The following ZNF829 variants were observed in gnomAD, a reference collection of about 807,000 sequenced individuals.
The protein encoded by ZNF829 is zinc finger protein 829.
Under a neutral mutation model 35.2 loss-of-function variants are expected in ZNF829, and 25 were observed. That is an observed-to-expected ratio of 0.71 (90% CI 0.52 to 0.99). The LOEUF (loss-of-function observed/expected upper bound fraction) is 0.99. Among genes scored for constraint, ZNF829 ranks in the 50% least tolerant of loss-of-function variants. ZNF829 has a pLI of 0.00. For synonymous variants in ZNF829, 136 were observed against 163.2 expected (o/e 0.83, Z 1.27); for missense variants, 417 against 515.3 (o/e 0.81, Z 1.85).
chr19:36,905,897 A>T (rs2073211564), intron 5 of ZNF829: 1 of 152,214 alleles, frequency 6.6e-6, no homozygotes, highest in African/African-American at 2.4e-5. Flanking sequence ...AGATAGACTC[A>T]CAGAAATAGG....
At chr19:36,906,731 CAACT>C (rs1044085338) in intron 5 of ZNF829, 6 of 152,130 alleles carry the variant, frequency 3.9e-5, no homozygotes, top group African/African-American at 7.2e-5. Context: ...GCAAACAAAC[CAACT>C]GTCAACAGAA....
intron 1 of ZNF829, 34 bp from the exon 2 acceptor site, chr19:36,915,285 G>A: frequency 6.3e-7 from 1 of 1,580,834 alleles, no homozygotes; most frequent in Non-Finnish European, 8.6e-7. Context: ...CAATCGCATA[G>A]TTGACAGGAC....
rs575314553 is a variant in ZNF829, at chr19:36,889,460, A to T, written c.*2032T>A. On this transcript the variant is annotated 3_prime_UTR_variant, in exon 6 of 6. Coordinates refer to ENST00000391711, the MANE Select transcript of ZNF829 (RefSeq NM_001037232.4). ...TTTGCAAGATTTTTTTCTATTACTG[A>T]TTCAATTTCAATACTCAGTAGTCTG... is the stretch of plus-strand genomic sequence containing the variant. The T allele has an allele frequency of 6.6e-6, 1 of 152,032 alleles. No homozygotes were observed. The highest frequency in any genetic ancestry group is 2.4e-5 in the African/African-American group (1 of 41,488). The allele number at this position is 152,032 out of a possible 1,614,324, so 9.4% of individuals were successfully genotyped here. A position where few individuals can be genotyped will look rare whatever the true frequency, so the allele number is the denominator to read the frequency against.
intron 1 of ZNF829, chr19:36,915,769 G>A: frequency 7.9e-7 from 1 of 1,263,530 alleles, no homozygotes; most frequent in Non-Finnish European, 1.1e-6. Context: ...GCTAATTTTT[G>A]TATTTTTAGT....
chr19:36,910,046 A>G (rs1215533984), intron 3 of ZNF829, among the ~76,000 whole-genome samples: 1 of 151,954 alleles, frequency 6.6e-6, no homozygotes, highest in African/African-American at 2.4e-5. Flanking sequence ...TAGTGGGACA[A>G]TGCCCTGCCA....
intron 5 of ZNF829, among the ~76,000 whole-genome samples, chr19:36,900,509 C>A (rs181072650): frequency 2.0e-5 from 3 of 151,718 alleles, no homozygotes; most frequent in Non-Finnish European, 4.4e-5. Context: ...AATATACATA[C>A]CTACTATGTA....
chr19:36,897,154 C>G (rs1036093432), intron 5 of ZNF829, among the ~76,000 whole-genome samples: 4 of 152,106 alleles, frequency 2.6e-5, no homozygotes, highest in Admixed American at 2.0e-4. Flanking sequence ...CAGTTTTTCT[C>G]AAACTATTCC....
At chr19:36,900,357 TAAAA>T (rs112232974) in intron 5 of ZNF829, among the ~76,000 whole-genome samples, 2,163 of 132,386 alleles carry the variant, frequency 0.016, 17 homozygotes, top group African/African-American at 0.032. Context: ...GACTCTGTCT[TAAAA>T]AAAAAAAAAA....
At chr19:36,896,557 T>C (rs2073115802) in intron 5 of ZNF829, among the ~76,000 whole-genome samples, 1 of 152,098 alleles carries the variant, frequency 6.6e-6, no homozygotes, top group Admixed American at 6.5e-5. Flanking sequence ...CTCTCAGCAT[T>C]AGACAGTTCA....
Position 36,891,568 on chromosome 19 carries a change from T to C in ZNF829, c.1223A>G (p.Tyr408Cys), listed in dbSNP as rs1256521652. 6.2e-7 allele frequency: 1 copy of C among 1,612,712 alleles called. No individual in the cohort carries two copies. The highest frequency in any genetic ancestry group is 8.5e-7 in the Non-Finnish European group (1 of 1,179,380). The change falls in exon 6 of 6, where the codon TAT becomes TGT. Residue 408 changes from tyrosine (Y) to cysteine (C), a missense_variant. Tyr to Cys is a radical substitution (Grantham distance 194, BLOSUM62 -2). Coordinates refer to ENST00000391711, the MANE Select transcript of ZNF829 (RefSeq NM_001037232.4). The stretch of plus-strand genomic sequence containing the variant: ...AGCCTTTCCACATTCCTTACAGTCA[T>C]AGGGTTTCTCACCAGTGTGAATTCT... ...HQRIHTGEKP[Y>C]DCKECGKAFG...
intron 5 of ZNF829, among the ~76,000 whole-genome samples, chr19:36,895,190 ACT>A (rs2073101436): frequency 6.6e-6 from 1 of 152,322 alleles, no homozygotes; most frequent in African/African-American, 2.4e-5. Flanking sequence ...CTAAAAAAAC[ACT>A]GTCAGCCAAG....
intron 5 of ZNF829, chr19:36,892,695 T>A (rs2073069781): frequency 3.3e-6 from 2 of 611,738 alleles, no homozygotes; most frequent in Non-Finnish European, 5.4e-6. Context: ...TCTATGATCC[T>A]CAAATTTTGG....
rs745709351 is a variant in ZNF829 at position 36,892,431 on chromosome 19, CTTTAGAGATAATATTTTG to C, written c.342_359del (p.Ile116_Lys121del). ...TTATTACTTGACTGAAATGTCTCTT[CTTTAGAGATAATATTTTG>C]GTCTCACACATTGATTCCAGATCTG... On this transcript the variant is annotated inframe_deletion, in exon 6 of 6. Transcript: ENST00000391711. 5.8e-5 allele frequency: 93 copies of C among 1,602,808 alleles called. No homozygotes were observed. Among genetic ancestry groups the C allele is most frequent in the Non-Finnish European group, 7.6e-5 (90 of 1,177,662 alleles).
intron 5 of ZNF829, among the ~76,000 whole-genome samples, chr19:36,893,968 C>T (rs2073087549): frequency 6.6e-6 from 1 of 152,162 alleles, no homozygotes; most frequent in Non-Finnish European, 1.5e-5. Flanking sequence ...CCTCTACAAC[C>T]TTGTGTTATA....
chr19:36,897,736 T>C (rs1442178879), intron 5 of ZNF829, among the ~76,000 whole-genome samples: 1 of 152,154 alleles, frequency 6.6e-6, no homozygotes, highest in East Asian at 1.9e-4. Context: ...GGCATCCAGA[T>C]TGGATAATAG....
intron 5 of ZNF829, chr19:36,901,717 G>GT: frequency 2.3e-6 from 1 of 439,268 alleles, no homozygotes; most frequent in Non-Finnish European, 4.2e-6. Context: ...AAATAAACAA[G>GT]TCTTTCCAAC....
chr19:36,903,711 G>C (rs557416245), intron 5 of ZNF829, among the ~76,000 whole-genome samples: 1 of 151,964 alleles, frequency 6.6e-6, no homozygotes, highest in Admixed American at 6.6e-5. Flanking sequence ...GCCAACATGG[G>C]GAAACCTCGT....
At chr19:36,896,990 A>G (rs2073119284) in intron 5 of ZNF829, among the ~76,000 whole-genome samples, 1 of 152,174 alleles carries the variant, frequency 6.6e-6, no homozygotes, top group Non-Finnish European at 1.5e-5. Context: ...AAAACCTACC[A>G]AGACTGAACC....
In ZNF829 at chr19:36,915,257, G is replaced by C; in HGVS notation, c.-84-6C>G. The C allele has an allele frequency of 6.2e-7, 1 of 1,608,400 alleles. No individual in the cohort carries two copies. The highest frequency in any genetic ancestry group is 8.5e-7 in the Non-Finnish European group (1 of 1,177,424). Reference sequence around the variant, plus strand: ...CCAGACCTCAGAGAGGTTTCCTAGAGACAGAGTTCTGGAGTCACAATCGCA... The same window carrying C: ...CCAGACCTCAGAGAGGTTTCCTAGACACAGAGTTCTGGAGTCACAATCGCA... On this transcript the variant is annotated splice_polypyrimidine_tract_variant and splice_region_variant and intron_variant, in intron 1 of 5. Coordinates refer to ENST00000391711, the MANE Select transcript of ZNF829 (RefSeq NM_001037232.4).
Sources: gnomAD v4.1 joint callset for allele counts (sites outside exome capture counted in the v4.1 genomes callset) on GRCh38, gnomAD v4.1.1 for gene constraint, MANE v1.5 for transcripts, NCBI Gene and HGNC (gene_info 2026-07-23, HGNC 2026-07-21) for gene names.